Variants in FOXJ3 observed in about 807,000 individuals in gnomAD.
FOXJ3 encodes forkhead box J3, also known as forkhead box protein J3.
In FOXJ3, 22 loss-of-function variants were observed where a neutral mutation model predicts 76.1. The ratio of observed to expected loss-of-function variants is 0.29; its 90% CI spans 0.21 to 0.41. The LOEUF (loss-of-function observed/expected upper bound fraction) is 0.41. FOXJ3 is among the 10% of genes least tolerant of loss of function. The pLI is 1.00. For synonymous variants in FOXJ3, 269 were observed against 261.2 expected (o/e 1.03, Z -0.29); for missense variants, 613 against 762.1 (o/e 0.80, Z 2.30).
chr1:42,251,812 G>A (rs549393411), intron 4 of FOXJ3, among the ~76,000 whole-genome samples: 6 of 142,546 alleles, frequency 4.2e-5, no homozygotes, highest in African/African-American at 7.9e-5. Context: ...TCCGCCTCCC[G>A]GGTTCATGCC....
chr1:42,278,222 T>C lies in FOXJ3; in HGVS notation c.369+126A>G, dbSNP rs1652440478. 3 of 734,160 alleles carry C rather than the reference T, an allele frequency of 4.1e-6. No individual in the cohort carries two copies. In the Admixed American group the frequency reaches 8.7e-5, roughly 21 times the overall value. 45.5% of individuals were successfully genotyped at this position (734,160 alleles called of 1,614,324 possible). On this transcript the variant is annotated intron_variant, in intron 3 of 12. Transcript: ENST00000361346. Reference sequence around the variant, plus strand: ...CACCTAAGCTAAAAACTTTTTGACATCCTAAAAATCACTAGAGATCAAAAT... The same window carrying C: ...CACCTAAGCTAAAAACTTTTTGACACCCTAAAAATCACTAGAGATCAAAAT...
At chr1:42,276,543 G>A (rs569852632) in intron 3 of FOXJ3, among the ~76,000 whole-genome samples, 12 of 152,192 alleles carry the variant, frequency 7.9e-5, no homozygotes, top group African/African-American at 2.2e-4. Flanking sequence ...AGTATAGCAC[G>A]TCTTCAAATA....
intron 12 of FOXJ3, 98 bp from the exon 13 acceptor site, chr1:42,179,923 AT>A: frequency 1.3e-6 from 1 of 742,728 alleles, no homozygotes. Context: ...CCAGGCACAC[AT>A]TATCTCACTA....
intron 7 of FOXJ3, among the ~76,000 whole-genome samples, chr1:42,198,658 A>T (rs1162935995): frequency 1.3e-5 from 2 of 152,216 alleles, no homozygotes; most frequent in Non-Finnish European, 2.9e-5. Flanking sequence ...CTGAAAATAC[A>T]TGAGTAGTTA....
At chr1:42,225,508 T>C (rs1647484332) in intron 5 of FOXJ3, among the ~76,000 whole-genome samples, 1 of 152,234 alleles carries the variant, frequency 6.6e-6, no homozygotes, top group Non-Finnish European at 1.5e-5. Context: ...TATTTTAGTA[T>C]ATTTGTTAAA....
At chr1:42,207,836 A>G (rs1646889703) in intron 5 of FOXJ3, among the ~76,000 whole-genome samples, 1 of 152,242 alleles carries the variant, frequency 6.6e-6, no homozygotes, top group South Asian at 2.1e-4. Flanking sequence ...TCCCAGGTAC[A>G]CATTGAGAGC....
chr1:42,209,776 G>A (rs1646930919), intron 5 of FOXJ3, among the ~76,000 whole-genome samples: 1 of 152,192 alleles, frequency 6.6e-6, no homozygotes, highest in South Asian at 2.1e-4. Context: ...TCTCAGGGAA[G>A]ACTGCCAGCT....
intron 4 of FOXJ3, among the ~76,000 whole-genome samples, chr1:42,236,621 C>T (rs1648656934): frequency 6.6e-6 from 1 of 152,202 alleles, no homozygotes; most frequent in Admixed American, 6.5e-5. Flanking sequence ...ACTAAAAATA[C>T]AGAACACTAA....
In FOXJ3 at chr1:42,227,964, C is replaced by A. The variant is rs1269158439; in HGVS notation, c.447G>T (p.Gly149=). 3 of 1,516,586 alleles carry A rather than the reference C, an allele frequency of 2.0e-6. No homozygotes were observed. The African/African-American group carries it at 4.1e-5, about 21-fold the overall frequency. The allele number at this position is 1,516,586 out of a possible 1,614,324, so 93.9% of individuals were successfully genotyped here. Residue 149 remains glycine, a splice_region_variant and synonymous_variant, in exon 5 of 13, where the codon GGG becomes GGT. Transcript: ENST00000361346. The part of the protein sequence containing the change: ...VPRSKDDPGK[G]SYWAIDTNPK... ...GATTGGTGTCTATTGCCCAGTAGGA[C>A]CCCTAGAGGTAAAGAAATTATATTA...
chr1:42,312,013 G>A (rs1654842883), intron 1 of FOXJ3, among the ~76,000 whole-genome samples: 1 of 152,172 alleles, frequency 6.6e-6, no homozygotes, highest in African/African-American at 2.4e-5. Context: ...GGTAAAATGG[G>A]TTTAAGTGTA....
At chr1:42,264,985 T>C in intron 4 of FOXJ3, 130 bp downstream of exon 4, 1 of 736,696 alleles carries the variant, frequency 1.4e-6, no homozygotes, top group Non-Finnish European at 2.5e-6. Context: ...TCTAACAAGC[T>C]TTAGAGCAGG....
intron 4 of FOXJ3, among the ~76,000 whole-genome samples, chr1:42,232,642 G>T (rs1433536206): frequency 6.6e-6 from 1 of 150,940 alleles, no homozygotes; most frequent in South Asian, 2.1e-4. Context: ...TTTTGATGGG[G>T]CTGTTTTTTT....
At chr1:42,183,973 A>C (rs894173690) in intron 11 of FOXJ3, among the ~76,000 whole-genome samples, 2 of 152,140 alleles carry the variant, frequency 1.3e-5, no homozygotes, top group African/African-American at 4.8e-5. Flanking sequence ...TATAGTCAGA[A>C]CTGACCTCTT....
chr1:42,287,571 T>G (rs1653141515), intron 2 of FOXJ3, among the ~76,000 whole-genome samples: 1 of 152,196 alleles, frequency 6.6e-6, no homozygotes. Flanking sequence ...ATATGTTTAT[T>G]GCTCTTCTCT....
At chr1:42,252,397 T>C (rs1228760475) in intron 4 of FOXJ3, among the ~76,000 whole-genome samples, 2 of 152,240 alleles carry the variant, frequency 1.3e-5, no homozygotes, top group African/African-American at 4.8e-5. Context: ...CTAGATTTTC[T>C]AGTTTATTTG....
At chr1:42,323,710 C>G (rs1321273719) in intron 1 of FOXJ3, 1 of 981,336 alleles carries the variant, frequency 1.0e-6, no homozygotes, top group African/African-American at 1.8e-5. Flanking sequence ...ATATCCAGGA[C>G]AGTGTCTTGC....
intron 2 of FOXJ3, among the ~76,000 whole-genome samples, chr1:42,299,829 A>C (rs1264962786): frequency 2.0e-5 from 3 of 151,954 alleles, no homozygotes; most frequent in Non-Finnish European, 4.4e-5. Context: ...AATTGCTTGG[A>C]CCCAGGAGGC....
chr1:42,279,653 C>T (rs564679062), intron 2 of FOXJ3, among the ~76,000 whole-genome samples: 44 of 152,144 alleles, frequency 2.9e-4, no homozygotes, highest in African/African-American at 9.6e-4. Context: ...AGAAACAAGG[C>T]TTGACACTTC....
intron 6 of FOXJ3, 148 bp from the exon 7 acceptor site, chr1:42,199,378 G>T: frequency 1.7e-6 from 1 of 574,452 alleles, no homozygotes; most frequent in Non-Finnish European, 3.1e-6. Flanking sequence ...TGCCCCATAT[G>T]GCTAAGTTCG....
Sources: allele counts gnomAD v4.1 joint callset (sites outside exome capture counted in the v4.1 genomes callset), GRCh38; gene constraint gnomAD v4.1.1; transcripts MANE v1.5; gene names NCBI Gene and HGNC (gene_info 2026-07-23, HGNC 2026-07-21).